The following BBS9 variants were observed in gnomAD, a reference collection of about 807,000 sequenced individuals.
The protein encoded by BBS9 is Bardet-Biedl syndrome 9, also known as protein PTHB1.
A neutral mutation model predicts 117.7 loss-of-function variants in BBS9; 89 were observed. That is an observed-to-expected ratio of 0.76 (90% CI 0.64 to 0.90). The LOEUF is 0.90. Among genes scored for constraint, BBS9 ranks in the 40% least tolerant of loss-of-function variants. The probability of loss-of-function intolerance (pLI) is 0.00; values close to 1 mark genes in which losing one functional copy is unlikely to be tolerated. For missense variants in BBS9, 982 were observed against 1,042.2 expected (o/e 0.94, Z 0.80); for synonymous variants, 379 against 370.9 (o/e 1.02, Z -0.25).
intron 4 of BBS9, among the ~76,000 whole-genome samples, chr7:33,168,665 C>T (rs1796059689): frequency 6.6e-6 from 1 of 152,118 alleles, no homozygotes; most frequent in Admixed American, 6.5e-5. Flanking sequence ...TTTGCATTTT[C>T]CAGCTTTCTA....
In BBS9 at chr7:33,527,255, T is replaced by C. The variant is rs189471021; in HGVS notation, c.2299-6699T>C. 7.0e-3 allele frequency among the ~76,000 whole-genome samples: 1,062 copies of C among 152,340 alleles called. 3 individuals carry two copies. The highest frequency in any genetic ancestry group is 0.011 in the Non-Finnish European group (778 of 68,016). ...AGCCTACAGAAGCAGGCAGGCCTCC[T>C]TGAGTTGTGTTGGGCTCCCCCCAGT... On this transcript the variant is annotated intron_variant, in intron 20 of 22. Transcript: ENST00000242067.
chr7:33,464,767 C>G (rs541384930), intron 19 of BBS9, among the ~76,000 whole-genome samples: 2 of 151,960 alleles, frequency 1.3e-5, no homozygotes, highest in South Asian at 4.2e-4. Flanking sequence ...TATTACATAA[C>G]TATTATTATA....
chr7:33,130,568 C>T (rs1415779430), intron 1 of BBS9, among the ~76,000 whole-genome samples: 2 of 152,116 alleles, frequency 1.3e-5, no homozygotes, highest in African/African-American at 4.8e-5. Flanking sequence ...CCGTATCTTA[C>T]AGGTATACAC....
At chr7:33,270,287 A>G (rs1188538993) in intron 7 of BBS9, among the ~76,000 whole-genome samples, 1 of 152,202 alleles carries the variant, frequency 6.6e-6, no homozygotes, top group East Asian at 1.9e-4. Context: ...AACTCTGGCA[A>G]CTCAAAAGGC....
At chr7:33,612,160 A>G (rs1442668826) in intron 21 of BBS9, among the ~76,000 whole-genome samples, 1 of 151,894 alleles carries the variant, frequency 6.6e-6, no homozygotes. Context: ...AGGAAACTGA[A>G]GCTTTTATTT....
At chr7:33,557,334 A>C (rs1161108276) in intron 21 of BBS9, among the ~76,000 whole-genome samples, 1 of 152,202 alleles carries the variant, frequency 6.6e-6, no homozygotes, top group African/African-American at 2.4e-5. Context: ...ATTAGCTAGA[A>C]GGTCATCATC....
At chr7:33,584,596 C>T (rs1034784707) in intron 21 of BBS9, among the ~76,000 whole-genome samples, 1 of 151,680 alleles carries the variant, frequency 6.6e-6, no homozygotes, top group Non-Finnish European at 1.5e-5. Context: ...TATTGAGATT[C>T]CGTTTTGATA....
At chr7:33,562,959 C>G (rs186395034) in intron 21 of BBS9, among the ~76,000 whole-genome samples, 115 of 152,112 alleles carry the variant, frequency 7.6e-4, no homozygotes, top group Non-Finnish European at 1.4e-3. Flanking sequence ...GGAGACCATT[C>G]TTAACATATT....
At chr7:33,581,186 CTG>C (rs1429176290) in intron 21 of BBS9, among the ~76,000 whole-genome samples, 1 of 151,872 alleles carries the variant, frequency 6.6e-6, no homozygotes, top group Admixed American at 6.6e-5. Flanking sequence ...GGCCAAGACA[CTG>C]TGTACTTGCT....
At chr7:33,292,817 C>A (rs935891548) in intron 9 of BBS9, among the ~76,000 whole-genome samples, 5 of 151,924 alleles carry the variant, frequency 3.3e-5, no homozygotes, top group African/African-American at 9.7e-5. Flanking sequence ...ACCAGCCTGA[C>A]CAAGATGGTG....
chr7:33,375,961 G>T (rs1584549727), intron 17 of BBS9, among the ~76,000 whole-genome samples: 1 of 152,110 alleles, frequency 6.6e-6, no homozygotes, highest in Admixed American at 6.6e-5. Flanking sequence ...AATTAAGAAA[G>T]AAACAGAAAC....
intron 5 of BBS9, among the ~76,000 whole-genome samples, chr7:33,236,533 C>T (rs1793545292): frequency 1.3e-5 from 2 of 151,604 alleles, no homozygotes; most frequent in African/African-American, 4.8e-5. Flanking sequence ...CTATGCCTGT[C>T]TTTCTATGGC....
At chr7:33,374,288 G>A (rs773379543) in intron 17 of BBS9, among the ~76,000 whole-genome samples, 3 of 152,030 alleles carry the variant, frequency 2.0e-5, no homozygotes, top group Non-Finnish European at 4.4e-5. Context: ...AAGGATTAGT[G>A]AATTTTCTTG....
At chr7:33,458,006 T>C (rs953564571) in intron 19 of BBS9, among the ~76,000 whole-genome samples, 8 of 152,180 alleles carry the variant, frequency 5.3e-5, no homozygotes, top group African/African-American at 1.7e-4. Flanking sequence ...CTTTTAGCTC[T>C]GAGACAATTA....
intron 19 of BBS9, among the ~76,000 whole-genome samples, chr7:33,419,567 G>T (rs543731500): frequency 4.6e-5 from 7 of 152,056 alleles, no homozygotes; most frequent in African/African-American, 9.7e-5. Flanking sequence ...CCTAATGGTG[G>T]TGTGGCAAAA....
chr7:33,172,786 T>C (rs1796791770), intron 4 of BBS9, among the ~76,000 whole-genome samples: 2 of 152,286 alleles, frequency 1.3e-5, no homozygotes, highest in South Asian at 2.1e-4. Context: ...CATATGTACA[T>C]AGCTAAGATT....
At chr7:33,413,389 A>G (rs907816320) in intron 19 of BBS9, among the ~76,000 whole-genome samples, 2 of 152,198 alleles carry the variant, frequency 1.3e-5, no homozygotes, top group Non-Finnish European at 2.9e-5. Flanking sequence ...GGTTTCTACA[A>G]TGGTAATTAC....
chr7:33,340,850 A>T (rs751431958), intron 10 of BBS9, 47 bp from the exon 11 acceptor site: 20 of 1,522,286 alleles, frequency 1.3e-5, no homozygotes, highest in Admixed American at 1.7e-5. Flanking sequence ...CTATATATAG[A>T]AAGTTTTACT....
chr7:33,302,039 C>A (rs1427157778), intron 9 of BBS9, among the ~76,000 whole-genome samples: 2 of 152,240 alleles, frequency 1.3e-5, no homozygotes, highest in African/African-American at 4.8e-5. Flanking sequence ...TGATGTTGAG[C>A]ACCTTCTCAT....
Sources: allele counts gnomAD v4.1 joint callset (sites outside exome capture counted in the v4.1 genomes callset), GRCh38; gene constraint gnomAD v4.1.1; transcripts MANE v1.5; gene names NCBI Gene and HGNC (gene_info 2026-07-23, HGNC 2026-07-21).